The following ITGA1 variants were observed in gnomAD, a reference collection of about 807,000 sequenced individuals.
ITGA1 encodes integrin subunit alpha 1.
Under a neutral mutation model 145.9 loss-of-function variants are expected in ITGA1, and 85 were observed. That is an observed-to-expected ratio of 0.58 (90% CI 0.49 to 0.70). The LOEUF (loss-of-function observed/expected upper bound fraction) is 0.70, where lower values mean the gene tolerates loss of function less well. ITGA1 is among the 30% of genes least tolerant of loss of function. The pLI, the probability that ITGA1 is intolerant of heterozygous loss-of-function variation, is 0.00. For missense variants in ITGA1, 1,351 were observed against 1,418.7 expected, an observed-to-expected ratio of 0.95 and a Z score of 0.77; for synonymous variants, 520 against 495.3, an observed-to-expected ratio of 1.05 and a Z score of -0.66.
At chr5:52,854,220 C>T (rs1372248222) in intron 2 of ITGA1, among the ~76,000 whole-genome samples, 1 of 152,088 alleles carries the variant, frequency 6.6e-6, no homozygotes, top group Non-Finnish European at 1.5e-5. Context: ...TACCAATGGG[C>T]TCATGTGATT....
intron 1 of ITGA1, chr5:52,802,708 A>C (rs1748513847): frequency 6.6e-6 from 1 of 152,188 alleles, no homozygotes; most frequent in African/African-American, 2.4e-5. Context: ...TTTGCTTGTC[A>C]AAGTTATACT....
chr5:52,832,960 G>A (rs1474718263), intron 1 of ITGA1, among the ~76,000 whole-genome samples: 1 of 152,010 alleles, frequency 6.6e-6, no homozygotes, highest in African/African-American at 2.4e-5. Context: ...GGGAAGCCAA[G>A]GTGTGTAGAT....
chr5:52,793,894 T>C (rs1748289448), intron 1 of ITGA1, among the ~76,000 whole-genome samples: 1 of 152,040 alleles, frequency 6.6e-6, no homozygotes, highest in South Asian at 2.1e-4. Flanking sequence ...TGACTCTAGC[T>C]TTGGCAAACT....
intron 11 of ITGA1, 58 bp downstream of exon 11, chr5:52,898,441 G>A (rs1750265380): frequency 7.1e-7 from 1 of 1,405,558 alleles, no homozygotes; most frequent in Non-Finnish European, 9.6e-7. Flanking sequence ...TTTACCTTTA[G>A]CATTATTTGC....
intron 8 of ITGA1, 123 bp downstream of exon 8, chr5:52,888,088 G>A: frequency 1.0e-6 from 1 of 995,664 alleles, no homozygotes; most frequent in Non-Finnish European, 1.5e-6. Context: ...CCATTTGAAG[G>A]TAAGCCCTGG....
chr5:52,903,781 A>C (rs1750353115), intron 11 of ITGA1: 1 of 152,198 alleles, frequency 6.6e-6, no homozygotes, highest in Non-Finnish European at 1.5e-5. Flanking sequence ...TGCATGTGGC[A>C]ATTTTTATTC....
intron 1 of ITGA1, chr5:52,803,733 C>T (rs1748533827): frequency 6.6e-6 from 1 of 152,192 alleles, no homozygotes; most frequent in South Asian, 2.1e-4. Context: ...CGTAAACCAG[C>T]AGCATCCCTG....
intron 12 of ITGA1, 121 bp from the exon 13 acceptor site, chr5:52,908,777 T>C: frequency 9.5e-7 from 1 of 1,054,602 alleles, no homozygotes; most frequent in South Asian, 1.6e-5. Context: ...ATTTTTATCT[T>C]TCATTTCCTT....
chr5:52,912,211 G>T (rs568083454), intron 14 of ITGA1, among the ~76,000 whole-genome samples: 1 of 140,174 alleles, frequency 7.1e-6, no homozygotes, highest in African/African-American at 2.6e-5. Context: ...CTAGTATATA[G>T]ATATGATATA....
chr5:52,828,850 A>T (rs956714303), intron 1 of ITGA1, among the ~76,000 whole-genome samples: 1 of 152,138 alleles, frequency 6.6e-6, no homozygotes, highest in South Asian at 2.1e-4. Context: ...CCAGTTTCTG[A>T]TGGTTCCTGG....
At chr5:52,944,881 C>A in intron 26 of ITGA1, 62 bp from the exon 27 acceptor site, 2 of 1,143,716 alleles carry the variant, frequency 1.7e-6, no homozygotes, top group Non-Finnish European at 1.3e-6. Context: ...CCTACTCAAA[C>A]ATGACTAGCT....
rs115931936 is a variant in ITGA1 at position 52,894,145 on chromosome 5, C to G, written c.1090+305C>G. Among the ~76,000 whole-genome samples, 390 of 152,086 alleles carry G rather than the reference C, an allele frequency of 2.6e-3. 5 individuals carry two copies. Among genetic ancestry groups the G allele is most frequent in the African/African-American group, 9.0e-3 (375 of 41,508 alleles). On this transcript the variant is annotated intron_variant, in intron 9 of 28. Transcript: ENST00000282588. Reference sequence around the variant, plus strand: ...AAAAATGTTTCCATGTGCTTTGTTCCTTTTCTGTTACATAGATTTGGAAAA... The same window carrying G: ...AAAAATGTTTCCATGTGCTTTGTTCGTTTTCTGTTACATAGATTTGGAAAA...
intron 6 of ITGA1, among the ~76,000 whole-genome samples, chr5:52,866,673 C>T (rs1417251434): frequency 3.9e-5 from 6 of 152,114 alleles, no homozygotes; most frequent in African/African-American, 1.4e-4. Flanking sequence ...TTGTTTATCC[C>T]CCCAATTAAT....
intron 9 of ITGA1, among the ~76,000 whole-genome samples, chr5:52,896,551 C>T (rs1467863394): frequency 6.6e-6 from 1 of 152,140 alleles, no homozygotes; most frequent in East Asian, 1.9e-4. Context: ...CAAATAGTTA[C>T]ATTCACAAAT....
In ITGA1 at chr5:52,815,976, G is replaced by A. The variant is rs865973948; in HGVS notation, c.61+27562G>A. On this transcript the variant is annotated intron_variant, in intron 1 of 28. Coordinates refer to ENST00000282588, the MANE Select transcript of ITGA1 (RefSeq NM_181501.2). ...TCCTTGATGACATGAATAACATACA[G>A]CAGGGAGACAGTAGTAAGTAGTGGC... Among the ~76,000 whole-genome samples, 8 of 152,108 alleles carry A rather than the reference G, an allele frequency of 5.3e-5. No homozygotes were observed. The East Asian group carries it at 1.2e-3, about 22-fold the overall frequency.
chr5:52,866,504 C>A (rs911347256), intron 6 of ITGA1, among the ~76,000 whole-genome samples: 1 of 152,110 alleles, frequency 6.6e-6, no homozygotes, highest in Non-Finnish European at 1.5e-5. Flanking sequence ...TCCCAAACAA[C>A]CCATCACATT....
rs77399116 is a variant in ITGA1, at chr5:52,880,346, A to G, written c.625-1527A>G. On this transcript the variant is annotated intron_variant, in intron 6 of 28. Coordinates refer to ENST00000282588, the MANE Select transcript of ITGA1 (RefSeq NM_181501.2). Reference sequence around the variant, plus strand: ...AAGACCATTAAATATATATCATAGTATTCTTATTTAAGCATAAGGACATAA... The same window carrying G: ...AAGACCATTAAATATATATCATAGTGTTCTTATTTAAGCATAAGGACATAA... 2.8e-3 allele frequency among the ~76,000 whole-genome samples: 431 copies of G among 152,320 alleles called. 9 individuals carry two copies. The East Asian group carries it at 0.061, about 22-fold the overall frequency.
At position 52,939,857 on chromosome 5, in the gene ITGA1, A is replaced by G. The variant is rs1328244809; in HGVS notation, c.3198A>G (p.Lys1066=). 1 of 1,611,208 alleles carries G rather than the reference A, an allele frequency of 6.2e-7. No individual in the cohort carries two copies. The highest frequency in any genetic ancestry group is 1.3e-5 in the African/African-American group (1 of 74,844). ...TTAAACAGGACTGCAATACATGTAAATTTGCTACCATCACATGTAATCTCA... is the reference window on the plus strand; with the variant it reads ...TTAAACAGGACTGCAATACATGTAAGTTTGCTACCATCACATGTAATCTCA... ...RGTILDCNTC[K]FATITCNLTS... Residue 1066 remains lysine, a synonymous_variant, in exon 26 of 29, where the codon AAA becomes AAG. Transcript: ENST00000282588.
At chr5:52,825,747 G>A (rs984500999) in intron 1 of ITGA1, among the ~76,000 whole-genome samples, 1 of 151,990 alleles carries the variant, frequency 6.6e-6, no homozygotes, top group African/African-American at 2.4e-5. Flanking sequence ...GTGAAACCCC[G>A]TCTCTACTGA....
Sources: gnomAD v4.1 joint callset for allele counts (sites outside exome capture counted in the v4.1 genomes callset) on GRCh38, gnomAD v4.1.1 for gene constraint, MANE v1.5 for transcripts, NCBI Gene and HGNC (gene_info 2026-07-23, HGNC 2026-07-21) for gene names.